Variants in SSBP2 observed in about 807,000 individuals in gnomAD.
SSBP2 encodes single-stranded DNA-binding protein 2.
SSBP2 carries 17 observed loss-of-function variants against 61.8 expected under a neutral mutation model. The ratio of observed to expected loss-of-function variants is 0.28; its 90% CI spans 0.19 to 0.41. The LOEUF is 0.41. Ranked by LOEUF, SSBP2 falls within the 10% of genes least tolerant of loss-of-function variation. The pLI is 1.00. For synonymous variants in SSBP2, 139 were observed against 141.3 expected, an observed-to-expected ratio of 0.98 and a Z score of 0.12; for missense variants, 310 against 458.7, an observed-to-expected ratio of 0.68 and a Z score of 2.96.
intron 11 of SSBP2, among the ~76,000 whole-genome samples, chr5:81,447,230 T>C (rs1396035528): frequency 6.6e-6 from 1 of 152,180 alleles, no homozygotes; most frequent in African/African-American, 2.4e-5. Context: ...TACAAATCCA[T>C]AAAACAGAAA....
Position 81,416,160 on chromosome 5 carries a change from G to C in SSBP2, c.*4344C>G, listed in dbSNP as rs540663828. 1 of 150,390 alleles carries C rather than the reference G, an allele frequency of 6.6e-6. No homozygotes were observed. The highest frequency in any genetic ancestry group is 2.5e-5 in the African/African-American group (1 of 40,688). The allele number at this position is 150,390 out of a possible 1,614,324, so 9.3% of individuals were successfully genotyped here. ...GAACCTGGGAGGCGGAGACGGCAGT[G>C]AGCCAAGATTGTGCCACTGCACTCC... On this transcript the variant is annotated 3_prime_UTR_variant, in exon 17 of 17. Coordinates refer to ENST00000320672, the MANE Select transcript of SSBP2 (RefSeq NM_012446.5).
chr5:81,750,872 C>G, intron 1 of SSBP2, 109 bp downstream of exon 1: 6 of 1,279,550 alleles, frequency 4.7e-6, no homozygotes, highest in Non-Finnish European at 6.6e-6. Flanking sequence ...CCAGCCCACC[C>G]CCGGCGCTCC....
At chr5:81,606,520 T>C (rs1338366520) in intron 4 of SSBP2, among the ~76,000 whole-genome samples, 2 of 152,204 alleles carry the variant, frequency 1.3e-5, no homozygotes, top group African/African-American at 4.8e-5. Context: ...AGCAAGAATA[T>C]ATTCTAAATC....
chr5:81,743,928 TACC>T (rs1757191500), intron 1 of SSBP2, among the ~76,000 whole-genome samples: 1 of 152,224 alleles, frequency 6.6e-6, no homozygotes, highest in African/African-American at 2.4e-5. Flanking sequence ...ACTCTTACAC[TACC>T]ACTTCTAGAC....
intron 1 of SSBP2, among the ~76,000 whole-genome samples, chr5:81,742,869 A>G (rs1757120432): frequency 6.6e-6 from 1 of 152,068 alleles, no homozygotes; most frequent in African/African-American, 2.4e-5. Flanking sequence ...AAAAGAGCAA[A>G]ACTCCATCTC....
Position 81,751,062 on chromosome 5 carries a change from C to A in SSBP2, c.-20G>T. 6.3e-7 allele frequency: 1 copy of A among 1,579,074 alleles called. No individual in the cohort carries two copies. On this transcript the variant is annotated 5_prime_UTR_variant, in exon 1 of 17. Transcript: ENST00000320672. ...GTACATGCTTGTGCCGAGAGCAGCT[C>A]CCACTGTCACGCACCTGTCAACCCA...
At chr5:81,543,932 GAAAT>G (rs1167029745) in intron 4 of SSBP2, among the ~76,000 whole-genome samples, 3 of 152,114 alleles carry the variant, frequency 2.0e-5, no homozygotes, top group African/African-American at 7.2e-5. Context: ...GTGCAATACT[GAAAT>G]AAACAATATA....
chr5:81,434,186 A>C (rs1269205030), intron 15 of SSBP2, among the ~76,000 whole-genome samples: 1 of 152,230 alleles, frequency 6.6e-6, no homozygotes, highest in Non-Finnish European at 1.5e-5. Flanking sequence ...TAAAATGGAT[A>C]AAATGGAGTA....
intron 10 of SSBP2, 94 bp from the exon 11 acceptor site, chr5:81,448,919 T>G: frequency 2.0e-6 from 2 of 1,023,492 alleles, no homozygotes; most frequent in Non-Finnish European, 3.0e-6. Flanking sequence ...TTGTCAAGTT[T>G]TAAAATGTAT....
At chr5:81,505,856 G>A (rs1768141618) in intron 5 of SSBP2, among the ~76,000 whole-genome samples, 1 of 152,078 alleles carries the variant, frequency 6.6e-6, no homozygotes, top group Non-Finnish European at 1.5e-5. Context: ...ACGCAGTTTG[G>A]CTAACAAATA....
Position 81,442,730 on chromosome 5 carries a change from CA to C in SSBP2, c.779-8del. 2.8e-6 allele frequency: 4 copies of C among 1,440,190 alleles called. No individual in the cohort carries two copies. Among genetic ancestry groups the C allele is most frequent in the Non-Finnish European group, 3.8e-6 (4 of 1,041,544 alleles). 89.2% of individuals were successfully genotyped at this position (1,440,190 alleles called of 1,614,324 possible). A position where few individuals can be genotyped will look rare whatever the true frequency, so the allele number is the denominator to read the frequency against. ...TCACCAGAGTTGGTTGAATCTGAAA[CA>C]AAATATTACTTAATTAAAATATTTC... On this transcript the variant is annotated splice_region_variant and splice_polypyrimidine_tract_variant and intron_variant, in intron 12 of 16. Transcript: ENST00000320672.
intron 12 of SSBP2, among the ~76,000 whole-genome samples, chr5:81,445,332 A>C (rs1408942679): frequency 6.6e-6 from 1 of 150,902 alleles, no homozygotes; most frequent in African/African-American, 2.4e-5. Flanking sequence ...AGTATGCAAA[A>C]AGACTAGGAA....
At chr5:81,626,496 T>C (rs1255417725) in intron 3 of SSBP2, among the ~76,000 whole-genome samples, 2 of 152,178 alleles carry the variant, frequency 1.3e-5, no homozygotes, top group Non-Finnish European at 2.9e-5. Context: ...GTGAGTGTGG[T>C]TTTAAGAGTT....
At chr5:81,518,366 G>A (rs1769199838) in intron 4 of SSBP2, among the ~76,000 whole-genome samples, 1 of 152,110 alleles carries the variant, frequency 6.6e-6, no homozygotes, top group Admixed American at 6.6e-5. Context: ...TTAAGAGGCG[G>A]GCCCTTTAGG....
At chr5:81,487,336 T>C (rs933682995) in intron 6 of SSBP2, among the ~76,000 whole-genome samples, 1 of 152,174 alleles carries the variant, frequency 6.6e-6, no homozygotes, top group African/African-American at 2.4e-5. Context: ...CTTCAGCAAA[T>C]AAATACTTAT....
intron 4 of SSBP2, among the ~76,000 whole-genome samples, chr5:81,565,981 T>G (rs996569288): frequency 6.6e-6 from 1 of 152,168 alleles, no homozygotes; most frequent in Non-Finnish European, 1.5e-5. Flanking sequence ...ATTTCATCAA[T>G]CACTTAGTAG....
intron 12 of SSBP2, among the ~76,000 whole-genome samples, chr5:81,444,511 G>C (rs1205292630): frequency 1.3e-5 from 2 of 152,014 alleles, no homozygotes; most frequent in Non-Finnish European, 2.9e-5. Context: ...CTTCCAACTA[G>C]GACATAATAA....
rs116675060 is a variant in SSBP2, at chr5:81,476,101, T to C, written c.433-1539A>G. ...TTCTTTCTCTCTATAAATATATATC[T>C]ATTATCATAAATCTTTTTCAGAACT... On this transcript the variant is annotated intron_variant, in intron 6 of 16. Coordinates refer to ENST00000320672, the MANE Select transcript of SSBP2 (RefSeq NM_012446.5). Among the ~76,000 whole-genome samples the C allele has an allele frequency of 8.9e-3, 1,356 of 152,180 alleles. 19 individuals are homozygous for C. Among genetic ancestry groups the C allele is most frequent in the African/African-American group, 0.031 (1,272 of 41,532 alleles).
intron 2 of SSBP2, among the ~76,000 whole-genome samples, chr5:81,646,439 C>T (rs575479016): frequency 6.6e-6 from 1 of 152,076 alleles, no homozygotes; most frequent in South Asian, 2.1e-4. Flanking sequence ...TAGGTAAAAA[C>T]CTGGGGGTAG....
Sources: gnomAD v4.1 joint callset for allele counts (sites outside exome capture counted in the v4.1 genomes callset) on GRCh38, gnomAD v4.1.1 for gene constraint, MANE v1.5 for transcripts, NCBI Gene and HGNC (gene_info 2026-07-23, HGNC 2026-07-21) for gene names.